Variants in EYS observed in about 807,000 individuals in gnomAD.
EYS encodes EGF-like photoreceptor maintenance factor, also known as protein eyes shut homolog.
EYS carries 250 observed loss-of-function variants against 282.1 expected under a neutral mutation model. The ratio of observed to expected loss-of-function variants is 0.89; its 90% confidence interval spans 0.80 to 0.98. The LOEUF is 0.98. Ranked by LOEUF, EYS falls within the 50% of genes least tolerant of loss-of-function variation. The pLI is 0.00. For synonymous variants in EYS, 1,355 were observed against 1,282.9 expected, an observed-to-expected ratio of 1.06 and a Z score of -1.20; for missense variants, 4,016 against 3,709.0, an observed-to-expected ratio of 1.08 and a Z score of -2.15.
intron 2 of EYS, among the ~76,000 whole-genome samples, chr6:65,605,326 CG>C (rs1562283449): frequency 1.3e-4 from 20 of 151,676 alleles, no homozygotes; most frequent in Middle Eastern, 3.4e-3. Flanking sequence ...ACTTCATTGT[CG>C]ATCACATTTA....
intron 5 of EYS, among the ~76,000 whole-genome samples, chr6:65,419,138 T>TATTGGAAGGTGAATA (rs1172360165): frequency 6.6e-6 from 1 of 151,754 alleles, no homozygotes; most frequent in Non-Finnish European, 1.5e-5. Context: ...GGAGCAGAGC[T>TATTGGAAGGTGAATA]ATTGGAAGGT....
intron 34 of EYS, among the ~76,000 whole-genome samples, chr6:63,989,039 C>A (rs77896130): frequency 6.6e-6 from 1 of 151,458 alleles, no homozygotes; most frequent in African/African-American, 2.4e-5. Context: ...TAATGACATC[C>A]TGATTTAATG....
chr6:63,773,356 G>A (rs1769983613), intron 40 of EYS, among the ~76,000 whole-genome samples: 1 of 152,106 alleles, frequency 6.6e-6, no homozygotes, highest in African/African-American at 2.4e-5. Flanking sequence ...GAAAAGCAAA[G>A]GGAGGAGGAA....
At chr6:64,275,828 G>T (rs1277929300) in intron 30 of EYS, among the ~76,000 whole-genome samples, 1 of 151,848 alleles carries the variant, frequency 6.6e-6, no homozygotes, top group Non-Finnish European at 1.5e-5. Flanking sequence ...AGCTGGGCGT[G>T]GTGGCGGGCA....
At chr6:64,846,569 G>C (rs953855287) in intron 19 of EYS, among the ~76,000 whole-genome samples, 1 of 152,036 alleles carries the variant, frequency 6.6e-6, no homozygotes, top group Non-Finnish European at 1.5e-5. Flanking sequence ...AGTTGATATA[G>C]AATAGACAAT....
intron 8 of EYS, among the ~76,000 whole-genome samples, chr6:65,357,193 A>G (rs1764518696): frequency 1.3e-5 from 2 of 152,004 alleles, no homozygotes; most frequent in Admixed American, 1.3e-4. Flanking sequence ...GCAGTGTACA[A>G]GTTCTTTTTG....
intron 22 of EYS, among the ~76,000 whole-genome samples, chr6:64,707,403 C>T (rs555450511): frequency 7.2e-5 from 11 of 152,196 alleles, no homozygotes; most frequent in African/African-American, 2.2e-4. Context: ...GGCATGGTGG[C>T]TCACGCCTGT....
At chr6:63,900,400 A>C (rs1161151257) in intron 35 of EYS, among the ~76,000 whole-genome samples, 1 of 152,182 alleles carries the variant, frequency 6.6e-6, no homozygotes, top group African/African-American at 2.4e-5. Flanking sequence ...AGAGAAATCA[A>C]ATTACACTTA....
At chr6:64,973,115 G>A (rs997275806) in intron 14 of EYS, among the ~76,000 whole-genome samples, 5 of 151,866 alleles carry the variant, frequency 3.3e-5, no homozygotes, top group Admixed American at 6.6e-5. Context: ...ATACCGAAAG[G>A]ACTAGAAATA....
chr6:64,011,222 T>A (rs1209089652), intron 33 of EYS, among the ~76,000 whole-genome samples: 1 of 152,212 alleles, frequency 6.6e-6, no homozygotes, highest in Non-Finnish European at 1.5e-5. Flanking sequence ...TTCAGTTTTC[T>A]TCCTTTATTT....
At chr6:65,662,898 G>T (rs1768055775) in intron 1 of EYS, among the ~76,000 whole-genome samples, 1 of 152,094 alleles carries the variant, frequency 6.6e-6, no homozygotes, top group Admixed American at 6.6e-5. Context: ...TGGTAAACTA[G>T]GATGTTGGCA....
At chr6:64,247,749 T>TA (rs200480419) in intron 30 of EYS, among the ~76,000 whole-genome samples, 2,341 of 151,506 alleles carry the variant, frequency 0.015, 58 homozygotes, top group African/African-American at 0.053. Flanking sequence ...TCACAAGAAT[T>TA]AAAAAAAAAC....
At chr6:64,313,357 A>C (rs1338704770) in intron 29 of EYS, among the ~76,000 whole-genome samples, 3 of 112,802 alleles carry the variant, frequency 2.7e-5, no homozygotes, top group Non-Finnish European at 6.3e-5. Flanking sequence ...GAAATGAACA[A>C]AGTCTCCAAG....
chr6:65,251,598 T>C (rs1364067266), intron 12 of EYS, among the ~76,000 whole-genome samples: 2 of 152,046 alleles, frequency 1.3e-5, no homozygotes, highest in African/African-American at 4.8e-5. Flanking sequence ...TATTTCTCAC[T>C]GAATATAGCT....
At chr6:63,993,918 A>G (rs898237364) in intron 34 of EYS, among the ~76,000 whole-genome samples, 2 of 151,972 alleles carry the variant, frequency 1.3e-5, no homozygotes, top group Non-Finnish European at 2.9e-5. Flanking sequence ...TATAGTAATC[A>G]AAAGTGTATG....
At chr6:65,005,456 C>T (rs1460104986) in intron 13 of EYS, among the ~76,000 whole-genome samples, 1 of 147,472 alleles carries the variant, frequency 6.8e-6, no homozygotes, top group Non-Finnish European at 1.5e-5. Context: ...GGGTCACCGC[C>T]ATCTTGGGAC....
chr6:64,136,158 C>A (rs1028413330), intron 31 of EYS, among the ~76,000 whole-genome samples: 78 of 147,030 alleles, frequency 5.3e-4, no homozygotes, highest in Admixed American at 1.6e-3. Context: ...AAAAAAAAAA[C>A]CACCTTGTTT....
At chr6:65,295,006 A>C (rs1438718748) in intron 12 of EYS, among the ~76,000 whole-genome samples, 1 of 151,880 alleles carries the variant, frequency 6.6e-6, no homozygotes, top group Non-Finnish European at 1.5e-5. Flanking sequence ...TTTGGAATTT[A>C]TCTTTAAATT....
At chr6:64,826,374 T>C (rs1765056401) in intron 19 of EYS, among the ~76,000 whole-genome samples, 1 of 151,916 alleles carries the variant, frequency 6.6e-6, no homozygotes, top group Non-Finnish European at 1.5e-5. Context: ...AATTTTCAGC[T>C]TGTGGTTCTA....
Sources: gnomAD v4.1 joint callset for allele counts (sites outside exome capture counted in the v4.1 genomes callset) on GRCh38, gnomAD v4.1.1 for gene constraint, MANE v1.5 for transcripts, NCBI Gene and HGNC (gene_info 2026-07-23, HGNC 2026-07-21) for gene names.